The following NTMT1 variants were observed in gnomAD, a reference collection of about 807,000 sequenced individuals.
NTMT1 encodes the protein N-terminal RCC1 methyltransferase.
Under a neutral mutation model 17.5 loss-of-function variants are expected in NTMT1, and 8 were observed. The ratio of observed to expected loss-of-function variants is 0.46; its 90% CI spans 0.27 to 0.82. The LOEUF is 0.82. NTMT1 is among the 40% of genes least tolerant of loss of function. NTMT1 has a pLI of 0.15. For missense variants in NTMT1, 221 were observed against 303.5 expected (o/e 0.73, Z 2.02); for synonymous variants, 128 against 126.8 (o/e 1.01, Z -0.06).
In NTMT1 at chr9:129,614,136, C is replaced by T. The variant is rs1416657513; in HGVS notation, c.-55+4958C>T. On this transcript the variant is annotated intron_variant, in intron 1 of 3. Coordinates refer to the NTMT1 transcript ENST00000372486. The surrounding 1 kb of genome is among the most constrained non-coding windows in gnomAD (Gnocchi z 4.4). ...ACACGGAATCATCTCCTGTATGCAC[C>T]AACTGCCATTCACATGAAATTGTTT... 6.6e-6 allele frequency among the ~76,000 whole-genome samples: 1 copy of T among 152,168 alleles called. No homozygotes were observed. The highest frequency in any genetic ancestry group is 1.5e-5 in the Non-Finnish European group (1 of 68,028).
chr9:129,609,366 G>C (rs1830064134), intron 1 of NTMT1, among the ~76,000 whole-genome samples: 1 of 152,030 alleles, frequency 6.6e-6, no homozygotes, highest in Non-Finnish European at 1.5e-5. Flanking sequence ...CAACTAGACC[G>C]GGCTGCCACT....
intron 2 of NTMT1, chr9:129,633,261 C>T: frequency 2.7e-6 from 1 of 370,644 alleles, no homozygotes; most frequent in Non-Finnish European, 4.8e-6. Flanking sequence ...CCACCCCCAG[C>T]CTTTTCTGTA....
chr9:129,612,548 C>G (rs1830142854), intron 1 of NTMT1: 1 of 923,256 alleles, frequency 1.1e-6, no homozygotes, highest in Non-Finnish European at 1.7e-6. Context: ...CCCTGTTGGG[C>G]AGGTAGTGCT....
rs1236170795 is a variant in NTMT1 at position 129,614,926 on chromosome 9, C to T, written c.-55+5748C>T. Among the ~76,000 whole-genome samples the T allele has an allele frequency of 6.6e-6, 1 of 151,924 alleles. No homozygotes were observed. ...CAGAAAAAAAAAAAGAAAAAGAAAA[C>T]TCACTGGGAACTGCAAAACAGACAC... On this transcript the variant is annotated intron_variant, in intron 1 of 3. Coordinates refer to the NTMT1 transcript ENST00000372486. This position sits in a 1 kb window ranked among gnomAD's most constrained non-coding sequence, Gnocchi z 4.4.
upstream of NTMT1, among the ~76,000 whole-genome samples, chr9:129,624,116 C>A (rs1462329661): frequency 6.6e-6 from 1 of 151,952 alleles, no homozygotes; most frequent in African/African-American, 2.4e-5. Context: ...TTCTAAGGAG[C>A]CCTCCAGCCC....
In NTMT1 at chr9:129,634,110, G is replaced by A. The variant is rs767551245; in HGVS notation, c.219G>A (p.Gly73=). 1.2e-6 allele frequency: 2 copies of A among 1,614,172 alleles called. No individual in the cohort carries two copies. Among genetic ancestry groups the A allele is most frequent in the Non-Finnish European group, 8.5e-7 (1 of 1,180,006 alleles). ...CCCTGGACTGTGGAGCTGGCATTGG[G>A]AGGATCACCAAGCGGCTGCTCCTGC... is the stretch of plus-strand genomic sequence containing the variant. The part of the protein sequence containing the change: ...SCALDCGAGI[G]RITKRLLLPL... The change falls in exon 3 of 4, where the codon GGG becomes GGA. Residue 73 remains glycine (G), a synonymous_variant. Transcript: ENST00000372483.
chr9:129,621,608 T>G (rs561207798), upstream of NTMT1, among the ~76,000 whole-genome samples: 1 of 152,326 alleles, frequency 6.6e-6, no homozygotes, highest in South Asian at 2.1e-4. Context: ...GCTCAAGTGA[T>G]CCACTTGCCT....
chr9:129,621,161 C>T (rs1830690832), intron 1 of NTMT1, among the ~76,000 whole-genome samples: 1 of 152,220 alleles, frequency 6.6e-6, no homozygotes, highest in Non-Finnish European at 1.5e-5. Context: ...CATTAGCGCT[C>T]TACTGGGAAT....
At chr9:129,611,524 C>T (rs893710389) in intron 1 of NTMT1, among the ~76,000 whole-genome samples, 5 of 152,206 alleles carry the variant, frequency 3.3e-5, no homozygotes, top group South Asian at 2.1e-4. Flanking sequence ...CCAACCCTTC[C>T]GGGGAAACGC....
intron 1 of NTMT1, chr9:129,612,198 G>T (rs1365658793): frequency 6.2e-6 from 4 of 650,112 alleles, no homozygotes; most frequent in Admixed American, 5.1e-5. Flanking sequence ...AACCCCCAGA[G>T]ACCAGCAACC....
chr9:129,612,032 G>A lies in NTMT1; in HGVS notation c.-55+2854G>A, dbSNP rs182236924. Among the ~76,000 whole-genome samples, 44 of 152,194 alleles carry A rather than the reference G, an allele frequency of 2.9e-4. 1 individual carries two copies. Among genetic ancestry groups the A allele is most frequent in the African/African-American group, 9.9e-4 (41 of 41,444 alleles). On this transcript the variant is annotated intron_variant, in intron 1 of 3. Transcript: ENST00000372486. ...TCCAAAGTTCTGGGATTACAGGCAT[G>A]GACCATTGTGCCCAGCATGTTCCCA...
upstream of NTMT1, among the ~76,000 whole-genome samples, chr9:129,624,348 G>A (rs1830831986): frequency 6.6e-6 from 1 of 152,130 alleles, no homozygotes; most frequent in Non-Finnish European, 1.5e-5. Flanking sequence ...GGAGGATTCC[G>A]GACACCCCCA....
intron 1 of NTMT1, among the ~76,000 whole-genome samples, chr9:129,626,929 C>G (rs1588133808): frequency 6.6e-6 from 1 of 152,214 alleles, no homozygotes; most frequent in Admixed American, 6.5e-5. Context: ...AAGTGATTGC[C>G]ACAACTGGTG....
rs755530091 is a variant in NTMT1, at chr9:129,619,666, G to C, written c.-55+10488G>C. 6 of 1,609,890 alleles carry C rather than the reference G, an allele frequency of 3.7e-6. No individual in the cohort carries two copies. In the Middle Eastern group the frequency reaches 8.3e-4, roughly 222 times the overall value. ...AAGACAAACAGGCCACATCTGGCAT[G>C]AGTGGCCAGGCTGTCCCGCCCTGGA... On this transcript the variant is annotated intron_variant, in intron 1 of 3. Coordinates refer to the NTMT1 transcript ENST00000372486.
intron 1 of NTMT1, among the ~76,000 whole-genome samples, chr9:129,629,599 C>G (rs1831054303): frequency 6.6e-6 from 1 of 152,130 alleles, no homozygotes; most frequent in Non-Finnish European, 1.5e-5. Flanking sequence ...CAGTGTTGTT[C>G]CCAGTGCTGG....
intron 1 of NTMT1, among the ~76,000 whole-genome samples, chr9:129,617,075 GAA>G (rs61602308): frequency 6.7e-6 from 1 of 150,348 alleles, no homozygotes; most frequent in Non-Finnish European, 1.5e-5. Flanking sequence ...CAAAAAAAAA[GAA>G]AAAAAAAATC....
intron 1 of NTMT1, among the ~76,000 whole-genome samples, chr9:129,627,244 G>T (rs1284837916): frequency 6.6e-6 from 1 of 150,832 alleles, no homozygotes; most frequent in Non-Finnish European, 1.5e-5. Flanking sequence ...ATCTCGGTGG[G>T]GGTTCTGTGC....
At position 129,613,309 on chromosome 9, in the gene NTMT1, G is replaced by C; in HGVS notation, c.-55+4131G>C. The C allele has an allele frequency of 6.4e-7, 1 of 1,565,972 alleles. No homozygotes were observed. The highest frequency in any genetic ancestry group is 8.7e-7 in the Non-Finnish European group (1 of 1,154,714). On this transcript the variant is annotated intron_variant, in intron 1 of 3. Transcript: ENST00000372486. The surrounding 1 kb of genome is among the most constrained non-coding windows in gnomAD (Gnocchi z 6.2). ...ACTCTGAGTCCCCGGCCCACCCATG[G>C]CTGGCAGGGCCCTTGAGGACCCACA...
chr9:129,625,871 G>A (rs995146158), upstream of NTMT1, among the ~76,000 whole-genome samples: 3 of 151,998 alleles, frequency 2.0e-5, no homozygotes, highest in African/African-American at 7.3e-5. Context: ...AATTAGCTGG[G>A]TGTGGTAGCT....
Sources: gnomAD v4.1 joint callset for allele counts (sites outside exome capture counted in the v4.1 genomes callset) on GRCh38, gnomAD v4.1.1 for gene constraint, Gnocchi (gnomAD v3.1) non-coding constraint, MANE v1.5 for transcripts, NCBI Gene and HGNC (gene_info 2026-07-23, HGNC 2026-07-21) for gene names.